Variants in PCDHA11 observed in about 807,000 individuals in gnomAD.
The protein encoded by PCDHA11 is protocadherin alpha 11.
A neutral mutation model predicts 70.3 loss-of-function variants in PCDHA11; 61 were observed. That is an observed-to-expected ratio of 0.87 (90% confidence interval 0.71 to 1.07). The LOEUF is 1.07. Among genes scored for constraint, PCDHA11 ranks in the 50% least tolerant of loss-of-function variants. The probability of loss-of-function intolerance (pLI) is 0.00; values close to 1 mark genes in which losing one functional copy is unlikely to be tolerated. For synonymous variants in PCDHA11, 633 were observed against 555.1 expected (o/e 1.14, Z -1.97); for missense variants, 1,324 against 1,237.5 (o/e 1.07, Z -1.05).
chr5:140,917,333 G>GT (rs1401985588), intron 1 of PCDHA11, among the ~76,000 whole-genome samples: 2 of 148,632 alleles, frequency 1.3e-5, no homozygotes, highest in Admixed American at 6.7e-5. Context: ...GCGGGGGAGG[G>GT]GGGGGATGGT....
At chr5:140,941,754 T>A (rs2093159057) in intron 1 of PCDHA11, among the ~76,000 whole-genome samples, 1 of 152,256 alleles carries the variant, frequency 6.6e-6, no homozygotes, top group African/African-American at 2.4e-5. Context: ...AGATTTTCAG[T>A]GCTTTTAAGA....
At position 140,982,581 on chromosome 5, in the gene PCDHA11, C is replaced by CT. The variant is rs782248594; in HGVS notation, c.2539+19dup. 2.4e-5 allele frequency: 38 copies of CT among 1,612,216 alleles called. No homozygotes were observed. The Middle Eastern group carries it at 5.0e-4, about 21-fold the overall frequency. ...AACACCAGGTAAAGAGCTGGGGTCT[C>CT]TCCATTCTTTCTTGGTTTCTGGAAA... On this transcript the variant is annotated intron_variant, in intron 3 of 3. Transcript: ENST00000398640.
intron 1 of PCDHA11, among the ~76,000 whole-genome samples, chr5:140,911,247 A>G (rs2075389238): frequency 6.6e-6 from 1 of 152,124 alleles, no homozygotes; most frequent in Non-Finnish European, 1.5e-5. Context: ...AAAAAGTTTC[A>G]TCAGAATTTA....
intron 1 of PCDHA11, among the ~76,000 whole-genome samples, chr5:140,972,015 G>A (rs782728118): frequency 2.6e-5 from 4 of 152,004 alleles, no homozygotes; most frequent in Admixed American, 6.5e-5. Context: ...CCTTTTATAT[G>A]GGATATTCAG....
intron 1 of PCDHA11, among the ~76,000 whole-genome samples, chr5:140,938,135 A>T (rs926775458): frequency 1.3e-5 from 2 of 152,198 alleles, no homozygotes; most frequent in Non-Finnish European, 2.9e-5. Flanking sequence ...AAATAGAGAT[A>T]GAGTCTCACT....
intron 3 of PCDHA11, among the ~76,000 whole-genome samples, chr5:140,983,631 C>T (rs1336337529): frequency 2.0e-5 from 3 of 152,134 alleles, no homozygotes; most frequent in African/African-American, 7.2e-5. Context: ...AAGAAATGTA[C>T]CCAAGTTCAC....
intron 1 of PCDHA11, among the ~76,000 whole-genome samples, chr5:140,955,950 C>G (rs2095241045): frequency 6.6e-6 from 1 of 151,920 alleles, no homozygotes; most frequent in African/African-American, 2.4e-5. Flanking sequence ...TGTCTACTTG[C>G]TTGTTGTTTG....
chr5:140,869,272 G>A lies in PCDHA11; in HGVS notation c.169G>A (p.Ala57Thr). ...CGCGCAGGACCTGGGGCTGGAGCTGGCGGAGCTGGTGCAGCGCCTGTTCCG... is the reference window on the plus strand; with the variant it reads ...CGCGCAGGACCTGGGGCTGGAGCTGACGGAGCTGGTGCAGCGCCTGTTCCG... ...RIAQDLGLEL[A>T]ELVQRLFRVA... Residue 57 changes from alanine (A) to threonine (T), a missense_variant, in exon 1 of 4, where the codon GCG (alanine) becomes ACG (threonine). Ala to Thr is a moderately conservative substitution (Grantham distance 58). Coordinates refer to ENST00000398640, the MANE Select transcript of PCDHA11 (RefSeq NM_018902.5). 1 of 1,613,572 alleles carries A rather than the reference G, an allele frequency of 6.2e-7. No individual in the cohort carries two copies. Among genetic ancestry groups the A allele is most frequent in the Non-Finnish European group, 8.5e-7 (1 of 1,179,958 alleles).
intron 1 of PCDHA11, chr5:140,877,501 A>T: frequency 6.2e-7 from 1 of 1,613,804 alleles, no homozygotes; most frequent in Non-Finnish European, 8.5e-7. Flanking sequence ...CCAGGCCCCA[A>T]AGACGTCGTC....
intron 1 of PCDHA11, among the ~76,000 whole-genome samples, chr5:140,964,434 G>A (rs1332567720): frequency 6.6e-6 from 1 of 152,104 alleles, no homozygotes; most frequent in Non-Finnish European, 1.5e-5. Context: ...AAATTACCAA[G>A]CCTCTGCCAC....
chr5:140,871,506 A>C lies in PCDHA11; in HGVS notation c.2391+12A>C, dbSNP rs997428507. 2 of 1,580,864 alleles carry C rather than the reference A, an allele frequency of 1.3e-6. No homozygotes were observed. Among genetic ancestry groups the C allele is most frequent in the Admixed American group, 1.8e-5 (1 of 54,764 alleles). ...ATCACCCCGGACAGGTGAGTTTTCT[A>C]CAGATTCCACCTATCAGGAAGTGTA... is the stretch of plus-strand genomic sequence containing the variant. On this transcript the variant is annotated intron_variant, in intron 1 of 3. Transcript: ENST00000398640.
intron 1 of PCDHA11, among the ~76,000 whole-genome samples, chr5:140,910,538 AT>A: frequency 6.6e-6 from 1 of 152,180 alleles, no homozygotes; most frequent in Non-Finnish European, 1.5e-5. Context: ...TCACAAATCT[AT>A]TTTGCAAAGT....
At position 140,883,032 on chromosome 5, in the gene PCDHA11, C is replaced by G. The variant is rs2153389895; in HGVS notation, c.2391+11538C>G. The G allele has an allele frequency of 6.2e-6, 10 of 1,614,064 alleles. No individual in the cohort carries two copies. The South Asian group carries it at 8.8e-5, about 14-fold the overall frequency. ...TATAAAGTGACGGTGTTAGAGAACG[C>G]CTTCAATGGAACATTAGTGATCAAG... On this transcript the variant is annotated intron_variant, in intron 1 of 3. Transcript: ENST00000398640.
At chr5:140,950,112 A>G (rs1263517017) in intron 1 of PCDHA11, among the ~76,000 whole-genome samples, 3 of 151,944 alleles carry the variant, frequency 2.0e-5, no homozygotes, top group Non-Finnish European at 4.4e-5. Context: ...ATCTCATACA[A>G]TACAAAACCC....
At chr5:140,915,557 T>G (rs909593732) in intron 1 of PCDHA11, among the ~76,000 whole-genome samples, 1 of 152,102 alleles carries the variant, frequency 6.6e-6, no homozygotes, top group African/African-American at 2.4e-5. Flanking sequence ...AGATCCAGAA[T>G]GATTATCTGG....
At chr5:140,887,442 T>C (rs2061450115) in intron 1 of PCDHA11, among the ~76,000 whole-genome samples, 1 of 152,180 alleles carries the variant, frequency 6.6e-6, no homozygotes, top group Non-Finnish European at 1.5e-5. Context: ...CTGGGCATAG[T>C]TGACAGTTTT....
rs185216314 is a variant in PCDHA11, at chr5:140,968,202, A to G, written c.2392-10747A>G. On this transcript the variant is annotated intron_variant, in intron 1 of 3. Transcript: ENST00000398640. ...GAGGACTCCTATTCCATCTACATACAGGAGAACAATTTGCCAGGTGTGTTG... is the reference window on the plus strand; with the variant it reads ...GAGGACTCCTATTCCATCTACATACGGGAGAACAATTTGCCAGGTGTGTTG... The G allele has an allele frequency of 3.7e-5, 60 of 1,614,044 alleles. 1 individual carries two copies. The East Asian group carries it at 1.1e-3, about 29-fold the overall frequency.
intron 1 of PCDHA11, among the ~76,000 whole-genome samples, chr5:140,873,080 C>G (rs1582109442): frequency 2.6e-5 from 4 of 151,946 alleles, no homozygotes; most frequent in Admixed American, 2.6e-4. Context: ...CTAGCTATTT[C>G]CCCCCCGTAT....
At chr5:140,882,058 C>G (rs1190027185) in intron 1 of PCDHA11, 4 of 794,854 alleles carry the variant, frequency 5.0e-6, no homozygotes, top group Non-Finnish European at 7.7e-6. Flanking sequence ...CTTACACTTA[C>G]ACGTTCATGC....
Sources: gnomAD v4.1 joint callset for allele counts (sites outside exome capture counted in the v4.1 genomes callset) on GRCh38, gnomAD v4.1.1 for gene constraint, MANE v1.5 for transcripts, NCBI Gene and HGNC (gene_info 2026-07-23, HGNC 2026-07-21) for gene names.